Variants in ZYG11A observed in about 807,000 individuals in gnomAD.
ZYG11A encodes zyg-11 family member A, cell cycle regulator.
A neutral mutation model predicts 77.2 loss-of-function variants in ZYG11A; 62 were observed. The ratio of observed to expected loss-of-function variants is 0.80; its 90% CI spans 0.65 to 0.99. The LOEUF (loss-of-function observed/expected upper bound fraction) is 0.99, where lower values mean the gene tolerates loss of function less well. Ranked by LOEUF, ZYG11A falls within the 50% of genes least tolerant of loss-of-function variation. The pLI is 0.00. For missense variants in ZYG11A, 828 were observed against 896.8 expected, an observed-to-expected ratio of 0.92 and a Z score of 0.98; for synonymous variants, 315 against 324.6, an observed-to-expected ratio of 0.97 and a Z score of 0.32.
intron 13 of ZYG11A, among the ~76,000 whole-genome samples, chr1:52,889,649 T>C (rs1179338237): frequency 6.6e-6 from 1 of 151,920 alleles, no homozygotes; most frequent in African/African-American, 2.4e-5. Context: ...TGTTTTCATA[T>C]CCTTAAAGAT....
In ZYG11A at chr1:52,842,927, T is replaced by C; in HGVS notation, c.44T>C (p.Val15Ala). ...LHPGHTPRNIVPPDAQKDALG... is the reference protein window; with the variant it reads ...LHPGHTPRNIAPPDAQKDALG... ...CCGGGCCACACGCCCCGGAACATCG[T>C]CCCTCCTGACGCTCAGAAGGATGCC... Residue 15 changes from valine to alanine, a missense_variant, in exon 1 of 14, where the codon GTC becomes GCC. Transcript: ENST00000371528. The C allele has an allele frequency of 1.3e-6, 2 of 1,529,574 alleles. No homozygotes were observed. 94.8% of individuals were successfully genotyped at this position (1,529,574 alleles called of 1,614,324 possible).
intron 3 of ZYG11A, 86 bp from the exon 4 acceptor site, chr1:52,860,645 T>G (rs1161600794): frequency 1.0e-5 from 14 of 1,405,508 alleles, no homozygotes; most frequent in Non-Finnish European, 1.4e-5. Flanking sequence ...TCTTAAACAC[T>G]GGATGCCCCA....
intron 5 of ZYG11A, among the ~76,000 whole-genome samples, chr1:52,866,225 C>T (rs1381494188): frequency 4.6e-5 from 7 of 152,132 alleles, no homozygotes; most frequent in Non-Finnish European, 8.8e-5. Flanking sequence ...GCATGAGCCA[C>T]CGCACCCGGC....
chr1:52,868,611 C>T (rs72897325), intron 8 of ZYG11A, among the ~76,000 whole-genome samples: 11,932 of 151,942 alleles, frequency 0.079, 916 homozygotes, highest in African/African-American at 0.2. Flanking sequence ...GAAACCCCGT[C>T]TCTACTAAAA....
chr1:52,863,539 C>A (rs965025994), intron 4 of ZYG11A, among the ~76,000 whole-genome samples: 1 of 152,176 alleles, frequency 6.6e-6, no homozygotes, highest in Non-Finnish European at 1.5e-5. Context: ...CCATAACTAC[C>A]TCAGATGTCA....
intron 1 of ZYG11A, among the ~76,000 whole-genome samples, chr1:52,843,555 C>G (rs1435585489): frequency 6.6e-6 from 1 of 151,972 alleles, no homozygotes; most frequent in Non-Finnish European, 1.5e-5. Context: ...TTCCGCGCGT[C>G]CGCCCCCGTC....
chr1:52,894,526 A>G lies in ZYG11A; in HGVS notation c.*1569A>G, dbSNP rs948556092. 3.3e-5 allele frequency: 5 copies of G among 152,212 alleles called. No homozygotes were observed. The allele number at this position is 152,212 out of a possible 1,614,324, so 9.4% of individuals were successfully genotyped here. A position where few individuals can be genotyped will look rare whatever the true frequency, so the allele number is the denominator to read the frequency against. Reference sequence around the variant, plus strand: ...TGTTAATGAACATGTTTTGTCATTTATCTGTTTAAGTTTTTCAGAAAATAA... The same window carrying G: ...TGTTAATGAACATGTTTTGTCATTTGTCTGTTTAAGTTTTTCAGAAAATAA... On this transcript the variant is annotated 3_prime_UTR_variant, in exon 14 of 14. Transcript: ENST00000371528.
intron 11 of ZYG11A, among the ~76,000 whole-genome samples, chr1:52,884,889 A>G (rs1571880475): frequency 6.7e-6 from 1 of 149,284 alleles, no homozygotes; most frequent in Non-Finnish European, 1.5e-5. Flanking sequence ...CAGTCTTCCT[A>G]TTTTCTTTTT....
chr1:52,877,710 C>CAGTG lies in ZYG11A; in HGVS notation c.1571_1572insAGTG (p.Thr525ValfsTer3). The CAGTG allele has an allele frequency of 6.4e-7, 1 of 1,551,640 alleles. No individual in the cohort carries two copies. Among genetic ancestry groups the CAGTG allele is most frequent in the Non-Finnish European group, 8.7e-7 (1 of 1,146,928 alleles). ...CTTCTAGCAATAGTAAAACAAAAGA[C>CAGTG]TACTGAGAATTTAGATGATGTCACC... On this transcript the variant is annotated frameshift_variant, in exon 9 of 14. Transcript: ENST00000371528. LOFTEE classifies it high-confidence loss of function.
chr1:52,862,949 G>GT (rs973065821), intron 4 of ZYG11A, among the ~76,000 whole-genome samples: 4 of 151,546 alleles, frequency 2.6e-5, no homozygotes, highest in Admixed American at 1.3e-4. Context: ...ATGCCTGGCT[G>GT]TTTTTTTTGT....
chr1:52,886,001 T>G (rs888415785), intron 12 of ZYG11A, 107 bp downstream of exon 12: 1 of 791,398 alleles, frequency 1.3e-6, no homozygotes, highest in Non-Finnish European at 1.9e-6. Flanking sequence ...GGCACAATCT[T>G]GGCTCACTGC....
At chr1:52,848,571 A>T (rs1388603219) in intron 1 of ZYG11A, among the ~76,000 whole-genome samples, 1 of 152,076 alleles carries the variant, frequency 6.6e-6, no homozygotes, top group African/African-American at 2.4e-5. Context: ...CTCTGGTCTC[A>T]AGCAGTCCTC....
chr1:52,862,543 A>G (rs1426449507), intron 4 of ZYG11A, among the ~76,000 whole-genome samples: 2 of 151,644 alleles, frequency 1.3e-5, no homozygotes, highest in Non-Finnish European at 2.9e-5. Flanking sequence ...CGATTTCCTG[A>G]CCTCGTGATC....
At chr1:52,888,569 G>A (rs577299967) in intron 13 of ZYG11A, among the ~76,000 whole-genome samples, 2 of 152,268 alleles carry the variant, frequency 1.3e-5, no homozygotes, top group South Asian at 4.2e-4. Context: ...TGTTGGCCAG[G>A]CTGGTCTCGA....
intron 11 of ZYG11A, among the ~76,000 whole-genome samples, chr1:52,882,948 C>G (rs1646385017): frequency 6.7e-6 from 1 of 149,956 alleles, no homozygotes; most frequent in African/African-American, 2.5e-5. Flanking sequence ...TTTCTTTAAT[C>G]ATTTTTTTCT....
At chr1:52,888,872 T>C (rs1387059786) in intron 13 of ZYG11A, among the ~76,000 whole-genome samples, 1 of 152,188 alleles carries the variant, frequency 6.6e-6, no homozygotes, top group Non-Finnish European at 1.5e-5. Context: ...AGCTTGCACA[T>C]AGACTTCTCT....
chr1:52,875,173 T>A (rs908025763), intron 8 of ZYG11A, among the ~76,000 whole-genome samples: 1 of 151,990 alleles, frequency 6.6e-6, no homozygotes, highest in Non-Finnish European at 1.5e-5. Context: ...TACTACTGAG[T>A]GGTTGAGTGA....
rs535541440 is a variant in ZYG11A, at chr1:52,856,943, C to G, written c.257-55C>G. ...TCTTAATTCTTTGCCACATTTTATCCTGGAAAGACATGAGATCTAGTTGTC... is the reference window on the plus strand; with the variant it reads ...TCTTAATTCTTTGCCACATTTTATCGTGGAAAGACATGAGATCTAGTTGTC... On this transcript the variant is annotated intron_variant, in intron 2 of 13. Coordinates refer to ENST00000371528, the MANE Select transcript of ZYG11A (RefSeq NM_001004339.3). The G allele has an allele frequency of 9.6e-6, 14 of 1,459,700 alleles. No individual in the cohort carries two copies. In the African/African-American group the frequency reaches 2.0e-4, roughly 21 times the overall value. 90.4% of individuals were successfully genotyped at this position (1,459,700 alleles called of 1,614,324 possible). A position where few individuals can be genotyped will look rare whatever the true frequency, so the allele number is the denominator to read the frequency against.
chr1:52,865,549 A>G (rs1646009029), intron 5 of ZYG11A, among the ~76,000 whole-genome samples: 1 of 152,202 alleles, frequency 6.6e-6, no homozygotes, highest in Non-Finnish European at 1.5e-5. Flanking sequence ...TTTATTGCCA[A>G]AAACTTGAAA....
Sources: allele counts gnomAD v4.1 joint callset (sites outside exome capture counted in the v4.1 genomes callset), GRCh38; gene constraint gnomAD v4.1.1; transcripts MANE v1.5; gene names NCBI Gene and HGNC (gene_info 2026-07-23, HGNC 2026-07-21).